The following SUMF1 variants were observed in gnomAD, a reference collection of about 807,000 sequenced individuals.
The protein encoded by SUMF1 is sulfatase modifying factor 1.
Under a neutral mutation model 47.6 loss-of-function variants are expected in SUMF1, and 48 were observed. The ratio of observed to expected loss-of-function variants is 1.01; its 90% CI spans 0.80 to 1.28. The LOEUF (loss-of-function observed/expected upper bound fraction) is 1.28, where lower values mean the gene tolerates loss of function less well. SUMF1 is among the 50% of genes most tolerant of loss of function. The probability of loss-of-function intolerance (pLI) is 0.00; values close to 1 mark genes in which losing one functional copy is unlikely to be tolerated. For synonymous variants in SUMF1, 230 were observed against 192.1 expected (o/e 1.20, Z -1.63); for missense variants, 571 against 485.4 (o/e 1.18, Z -1.66).
intron 8 of SUMF1, among the ~76,000 whole-genome samples, chr3:4,139,765 C>G (rs1227927063): frequency 1.3e-5 from 2 of 150,480 alleles, no homozygotes; most frequent in East Asian, 3.9e-4. Context: ...GTTAGGCTGA[C>G]AAGTAAAAAA....
At chr3:4,397,278 A>G (rs913746570) in intron 7 of SUMF1, among the ~76,000 whole-genome samples, 1 of 152,222 alleles carries the variant, frequency 6.6e-6, no homozygotes, top group African/African-American at 2.4e-5. Context: ...ACTAAAACCA[A>G]ACCACCACCA....
intron 8 of SUMF1, chr3:4,317,415 G>A (rs578106943): frequency 3.4e-6 from 2 of 588,576 alleles, no homozygotes; most frequent in Admixed American, 6.1e-5. Flanking sequence ...TGGCATGGTG[G>A]CTTACAACTG....
At chr3:4,308,686 G>T (rs752207527) in intron 8 of SUMF1, among the ~76,000 whole-genome samples, 2 of 152,194 alleles carry the variant, frequency 1.3e-5, no homozygotes, top group Non-Finnish European at 2.9e-5. Context: ...TCCATGTTCT[G>T]CACTAGGAAG....
At chr3:4,209,939 G>C (rs1294862872) in intron 8 of SUMF1, among the ~76,000 whole-genome samples, 1 of 152,068 alleles carries the variant, frequency 6.6e-6, no homozygotes, top group Non-Finnish European at 1.5e-5. Flanking sequence ...CTGTCACCCA[G>C]GCTGGAGTGC....
At chr3:4,127,055 AG>A (rs1693671228) in intron 8 of SUMF1, among the ~76,000 whole-genome samples, 2 of 152,198 alleles carry the variant, frequency 1.3e-5, no homozygotes. Flanking sequence ...CCCATTTAAG[AG>A]GTCTCTCACT....
intron 8 of SUMF1, among the ~76,000 whole-genome samples, chr3:4,306,800 TTGTGTC>T (rs1442371068): frequency 6.6e-6 from 1 of 152,242 alleles, no homozygotes; most frequent in Non-Finnish European, 1.5e-5. Flanking sequence ...AAAAATAACT[TTGTGTC>T]TGTTTTGCCT....
chr3:4,399,529 T>C (rs1048039154), intron 7 of SUMF1, among the ~76,000 whole-genome samples: 6 of 152,156 alleles, frequency 3.9e-5, no homozygotes, highest in African/African-American at 1.2e-4. Context: ...CAGCCAAGAG[T>C]GATGAGACAG....
intron 8 of SUMF1, among the ~76,000 whole-genome samples, chr3:4,196,766 C>G (rs1309326037): frequency 1.3e-5 from 2 of 152,302 alleles, no homozygotes; most frequent in East Asian, 3.9e-4. Context: ...ATGTATCCAT[C>G]TCACCCTTGC....
intron 8 of SUMF1, among the ~76,000 whole-genome samples, chr3:4,159,763 C>G (rs1225000183): frequency 2.0e-5 from 3 of 152,132 alleles, no homozygotes; most frequent in Non-Finnish European, 4.4e-5. Context: ...AATCCCTCAG[C>G]TTTTGTTTGC....
intron 1 of SUMF1, among the ~76,000 whole-genome samples, chr3:4,463,262 C>A (rs1215263324): frequency 6.6e-6 from 1 of 152,216 alleles, no homozygotes; most frequent in South Asian, 2.1e-4. Flanking sequence ...GAGGCAGAGG[C>A]AGGTGGATCA....
At chr3:4,368,006 A>T (rs1441899443) in intron 8 of SUMF1, among the ~76,000 whole-genome samples, 1 of 152,006 alleles carries the variant, frequency 6.6e-6, no homozygotes, top group African/African-American at 2.4e-5. Flanking sequence ...TAAACTAAAG[A>T]GCTTCTGCAC....
chr3:4,093,267 T>A (rs536446398), intron 8 of SUMF1, among the ~76,000 whole-genome samples: 13 of 152,148 alleles, frequency 8.5e-5, no homozygotes, highest in Non-Finnish European at 1.9e-4. Flanking sequence ...ATAATTGATA[T>A]CACTATCAAC....
chr3:4,081,548 G>C (rs1001259902), intron 8 of SUMF1, among the ~76,000 whole-genome samples: 5 of 152,110 alleles, frequency 3.3e-5, no homozygotes, highest in African/African-American at 1.2e-4. Context: ...GTCCAGTAGA[G>C]TGGTTTAGAA....
intron 8 of SUMF1, among the ~76,000 whole-genome samples, chr3:4,224,967 C>A (rs1696142401): frequency 1.3e-5 from 2 of 152,076 alleles, no homozygotes; most frequent in African/African-American, 4.8e-5. Flanking sequence ...TTTTCTTAAG[C>A]TAGTTCAAAT....
At chr3:4,104,190 G>A (rs551789357) in intron 8 of SUMF1, among the ~76,000 whole-genome samples, 1 of 152,092 alleles carries the variant, frequency 6.6e-6, no homozygotes, top group South Asian at 2.1e-4. Flanking sequence ...TGTTCTCCTG[G>A]AGGTAAATAA....
chr3:4,460,030 A>C (rs917758840), intron 1 of SUMF1, among the ~76,000 whole-genome samples: 1 of 152,134 alleles, frequency 6.6e-6, no homozygotes, highest in Non-Finnish European at 1.5e-5. Context: ...TAGGAAAGAA[A>C]AAAGAAGAGG....
intron 8 of SUMF1, among the ~76,000 whole-genome samples, chr3:4,113,943 A>G (rs995937613): frequency 6.6e-6 from 1 of 152,134 alleles, no homozygotes; most frequent in African/African-American, 2.4e-5. Flanking sequence ...TTAACAACAT[A>G]TCCTATATAG....
chr3:4,197,970 T>C (rs979643038), intron 8 of SUMF1, among the ~76,000 whole-genome samples: 9 of 150,538 alleles, frequency 6.0e-5, no homozygotes, highest in Non-Finnish European at 1.3e-4. Flanking sequence ...AAATATCAGA[T>C]CAAAAATGTT....
intron 6 of SUMF1, among the ~76,000 whole-genome samples, chr3:4,414,396 G>A (rs1378292117): frequency 6.6e-6 from 1 of 152,188 alleles, no homozygotes; most frequent in Non-Finnish European, 1.5e-5. Context: ...CTATTTCCCT[G>A]TAGTCCATCT....
Sources: gnomAD v4.1 joint callset for allele counts (sites outside exome capture counted in the v4.1 genomes callset) on GRCh38, gnomAD v4.1.1 for gene constraint, MANE v1.5 for transcripts, NCBI Gene and HGNC (gene_info 2026-07-23, HGNC 2026-07-21) for gene names.